The following MGAT4A variants were observed in gnomAD, a reference collection of about 807,000 sequenced individuals.
MGAT4A encodes alpha-1,3-mannosyl-glycoprotein 4-beta-N-acetylglucosaminyltransferase A.
In MGAT4A, 33 loss-of-function variants were observed where a neutral mutation model predicts 74.1. That is an observed-to-expected ratio of 0.45 (90% CI 0.34 to 0.60). MGAT4A has a LOEUF of 0.60. MGAT4A is among the 20% of genes least tolerant of loss of function. The pLI, the probability that MGAT4A is intolerant of heterozygous loss-of-function variation, is 0.02. For missense variants in MGAT4A, 479 were observed against 628.3 expected (o/e 0.76, Z 2.54); for synonymous variants, 198 against 210.4 (o/e 0.94, Z 0.51).
chr2:98,695,032 C>CT (rs551595704), intron 2 of MGAT4A: 1,449 of 93,396 alleles, frequency 0.016, 48 homozygotes, highest in African/African-American at 0.024. Flanking sequence ...GCTAAAATGG[C>CT]TTTTTTTTTT....
intron 2 of MGAT4A, among the ~76,000 whole-genome samples, chr2:98,712,853 C>CA (rs1702536486): frequency 6.6e-6 from 1 of 152,206 alleles, no homozygotes. Context: ...ATACACAGAA[C>CA]AGAGCTTCTT....
chr2:98,705,787 C>T (rs932126812), intron 2 of MGAT4A, among the ~76,000 whole-genome samples: 1 of 151,594 alleles, frequency 6.6e-6, no homozygotes, highest in Admixed American at 6.6e-5. Flanking sequence ...ACTAAAAATA[C>T]AAAAAATTAG....
intron 1 of MGAT4A, among the ~76,000 whole-genome samples, chr2:98,727,789 G>A (rs1374205245): frequency 6.6e-6 from 1 of 152,172 alleles, no homozygotes; most frequent in Non-Finnish European, 1.5e-5. Flanking sequence ...AAAGATCACA[G>A]GGGCATAGTA....
In MGAT4A at chr2:98,656,420, G is replaced by C; in HGVS notation, c.630C>G (p.Pro210=). 1.2e-6 allele frequency: 2 copies of C among 1,612,266 alleles called. No homozygotes were observed. The highest frequency in any genetic ancestry group is 1.7e-6 in the Non-Finnish European group (2 of 1,179,142). ...TCAAGTCAGGATAATAGCTTTCAGG[G>C]GGTGATATGACTTCCACCAAGCCAG... is the stretch of plus-strand genomic sequence containing the variant. The part of the protein sequence containing the change: ...ISSGLVEVIS[P]PESYYPDLTN... The change falls in exon 7 of 16, where the codon CCC becomes CCG. Residue 210 remains proline (P), a synonymous_variant. Transcript: ENST00000393487.
chr2:98,726,705 C>T (rs933562626), intron 1 of MGAT4A, 138 bp from the exon 2 acceptor site: 29 of 208,592 alleles, frequency 1.4e-4, no homozygotes, highest in Non-Finnish European at 2.5e-4. Flanking sequence ...ATCGAAACTA[C>T]TCATTTAACA....
At chr2:98,626,320 A>G (rs1231522102) in intron 14 of MGAT4A, among the ~76,000 whole-genome samples, 1 of 152,122 alleles carries the variant, frequency 6.6e-6, no homozygotes, top group African/African-American at 2.4e-5. Context: ...TTTAGAAGGA[A>G]TTAAGAAATA....
At chr2:98,629,937 T>A (rs958425858) in intron 14 of MGAT4A, among the ~76,000 whole-genome samples, 1 of 151,958 alleles carries the variant, frequency 6.6e-6, no homozygotes, top group South Asian at 2.1e-4. Flanking sequence ...CCCAGCTAAT[T>A]GGGAGGCTGA....
chr2:98,658,105 C>A, intron 6 of MGAT4A, 113 bp downstream of exon 6: 1 of 692,056 alleles, frequency 1.4e-6, no homozygotes, highest in East Asian at 2.9e-5. Context: ...ATCTAATAAA[C>A]AATGAACTCC....
chr2:98,672,325 G>A (rs1336085123), intron 4 of MGAT4A, among the ~76,000 whole-genome samples: 1 of 152,020 alleles, frequency 6.6e-6, no homozygotes, highest in Non-Finnish European at 1.5e-5. Context: ...TTCTTTACTG[G>A]GCTGAAGCTC....
chr2:98,713,629 A>C (rs1702548659), intron 2 of MGAT4A, among the ~76,000 whole-genome samples: 1 of 152,128 alleles, frequency 6.6e-6, no homozygotes, highest in Non-Finnish European at 1.5e-5. Flanking sequence ...AGGAAGCATA[A>C]ATCAGAAAAT....
chr2:98,652,305 T>C (rs1001098535), intron 8 of MGAT4A, among the ~76,000 whole-genome samples: 1 of 151,330 alleles, frequency 6.6e-6, no homozygotes, highest in African/African-American at 2.4e-5. Flanking sequence ...GACCACATGT[T>C]AGGCCCCATA....
chr2:98,640,000 T>C lies in MGAT4A; in HGVS notation c.1130A>G (p.Asp377Gly). ...SLSGKIQKLT[D>G]KDYMKPLLLK... ...AAGTAATGGTTTCATATAATCTTTA[T>C]CCTGGGAGCAAAGACATATATGCTA... Residue 377 changes from aspartate (D) to glycine (G), a missense_variant and splice_region_variant, in exon 12 of 16, where the codon GAT (aspartate) becomes GGT (glycine). Asp to Gly is a moderately conservative substitution (Grantham distance 94). Around this residue, in one of 3 missense-constraint regions of MGAT4A, gnomAD observed 236 missense variants for 308.2 expected, o/e 0.77. Coordinates refer to ENST00000393487, the MANE Select transcript of MGAT4A (RefSeq NM_012214.3). The C allele has an allele frequency of 6.2e-7, 1 of 1,609,096 alleles. No individual in the cohort carries two copies. The highest frequency in any genetic ancestry group is 1.1e-5 in the South Asian group (1 of 90,492).
intron 2 of MGAT4A, among the ~76,000 whole-genome samples, chr2:98,711,284 C>T (rs1413528239): frequency 4.2e-5 from 6 of 141,860 alleles, no homozygotes; most frequent in Non-Finnish European, 7.6e-5. Context: ...AAAAAAAGGA[C>T]CCAGACAACA....
intron 2 of MGAT4A, among the ~76,000 whole-genome samples, chr2:98,715,317 C>CAAAAAA (rs201860893): frequency 6.2e-4 from 39 of 63,198 alleles, no homozygotes; most frequent in East Asian, 1.7e-3. Flanking sequence ...GACTTCATCT[C>CAAAAAA]AAAAAAAAAA....
At chr2:98,633,764 A>G (rs1354346816) in intron 14 of MGAT4A, among the ~76,000 whole-genome samples, 1 of 152,216 alleles carries the variant, frequency 6.6e-6, no homozygotes, top group Non-Finnish European at 1.5e-5. Flanking sequence ...TCTATTTCCT[A>G]TGCTACTTTC....
At chr2:98,686,569 C>CA (rs1232778297) in intron 2 of MGAT4A, among the ~76,000 whole-genome samples, 1 of 150,456 alleles carries the variant, frequency 6.6e-6, no homozygotes, top group Non-Finnish European at 1.5e-5. Flanking sequence ...TTTCTGGAGA[C>CA]AGAGTCTCGC....
chr2:98,691,650 G>T (rs983514841), intron 2 of MGAT4A, among the ~76,000 whole-genome samples: 2 of 152,282 alleles, frequency 1.3e-5, no homozygotes, highest in South Asian at 4.1e-4. Context: ...ACTGGTTTAT[G>T]TATTTACTAT....
intron 2 of MGAT4A, among the ~76,000 whole-genome samples, chr2:98,697,306 C>G (rs181659404): frequency 4.6e-5 from 7 of 152,268 alleles, no homozygotes; most frequent in Admixed American, 2.6e-4. Flanking sequence ...CTCTCACACA[C>G]TGTATGACTC....
intron 10 of MGAT4A, among the ~76,000 whole-genome samples, chr2:98,642,006 A>AG (rs984740141): frequency 2.6e-5 from 4 of 152,118 alleles, no homozygotes; most frequent in African/African-American, 9.7e-5. Context: ...AAAAAAAAAA[A>AG]AAAAAGAAAT....
Sources: allele counts gnomAD v4.1 joint callset (sites outside exome capture counted in the v4.1 genomes callset), GRCh38; gene constraint gnomAD v4.1.1; regional missense constraint gnomAD v4.1.1; transcripts MANE v1.5; gene names NCBI Gene and HGNC (gene_info 2026-07-23, HGNC 2026-07-21).